HPSE2: variants seen among roughly 807,000 people sequenced by gnomAD.
HPSE2 encodes the protein heparanase 2 (inactive), also known as inactive heparanase-2.
Under a neutral mutation model 60.5 loss-of-function variants are expected in HPSE2, and 38 were observed. That is an observed-to-expected ratio of 0.63 (90% CI 0.48 to 0.82). The LOEUF is 0.82. HPSE2 is among the 40% of genes least tolerant of loss of function. The pLI, the probability that HPSE2 is intolerant of heterozygous loss-of-function variation, is 0.00. For synonymous variants in HPSE2, 295 were observed against 293.2 expected (o/e 1.01, Z -0.06); for missense variants, 713 against 740.4 (o/e 0.96, Z 0.43).
intron 2 of HPSE2, among the ~76,000 whole-genome samples, chr10:99,188,669 TG>T (rs1279124648): frequency 6.6e-6 from 1 of 152,232 alleles, no homozygotes; most frequent in Non-Finnish European, 1.5e-5. Flanking sequence ...TTAAAGCCAC[TG>T]TAATAAGAGA....
chr10:99,036,400 A>G (rs558345755), intron 3 of HPSE2, among the ~76,000 whole-genome samples: 15 of 152,164 alleles, frequency 9.9e-5, no homozygotes, highest in African/African-American at 9.7e-5. Flanking sequence ...AGACATATCT[A>G]AAAAACACAG....
intron 3 of HPSE2, among the ~76,000 whole-genome samples, chr10:98,850,104 G>A (rs528285598): frequency 6.6e-6 from 1 of 152,096 alleles, no homozygotes; most frequent in African/African-American, 2.4e-5. Flanking sequence ...TTCTTACTTG[G>A]CTTATGAAAA....
At chr10:98,895,966 A>G (rs1267840551) in intron 3 of HPSE2, among the ~76,000 whole-genome samples, 3 of 149,780 alleles carry the variant, frequency 2.0e-5, no homozygotes, top group African/African-American at 7.3e-5. Context: ...GGATAGCCTT[A>G]GGAGATATGC....
intron 3 of HPSE2, among the ~76,000 whole-genome samples, chr10:98,846,733 A>C (rs889452461): frequency 6.6e-6 from 1 of 152,180 alleles, no homozygotes; most frequent in African/African-American, 2.4e-5. Flanking sequence ...ATGCTATGAC[A>C]CATTGTTTTC....
chr10:99,096,686 A>G (rs1843728043), intron 3 of HPSE2, among the ~76,000 whole-genome samples: 1 of 133,264 alleles, frequency 7.5e-6, no homozygotes, highest in East Asian at 2.4e-4. Flanking sequence ...AAATTGAGCT[A>G]AATTGTTGTG....
intron 3 of HPSE2, among the ~76,000 whole-genome samples, chr10:98,981,883 G>T (rs1292488873): frequency 6.6e-6 from 1 of 151,722 alleles, no homozygotes. Context: ...CCTAATAACT[G>T]AGTTCCCTGT....
chr10:99,029,346 C>T (rs911792629), intron 3 of HPSE2, among the ~76,000 whole-genome samples: 4 of 152,140 alleles, frequency 2.6e-5, no homozygotes, highest in East Asian at 1.9e-4. Flanking sequence ...TCCCCATGTG[C>T]GGTGACGAGA....
chr10:98,652,676 G>A (rs1256856822), intron 6 of HPSE2, among the ~76,000 whole-genome samples: 2 of 152,118 alleles, frequency 1.3e-5, no homozygotes, highest in Non-Finnish European at 2.9e-5. Context: ...AAACTACAAG[G>A]TCTACATGAC....
intron 9 of HPSE2, among the ~76,000 whole-genome samples, chr10:98,577,547 A>C (rs1011016135): frequency 1.3e-5 from 2 of 152,242 alleles, no homozygotes; most frequent in African/African-American, 4.8e-5. Context: ...AAAAGTCCTC[A>C]TAAATATCCC....
chr10:98,750,682 T>A (rs1949738661), intron 3 of HPSE2, among the ~76,000 whole-genome samples: 1 of 152,100 alleles, frequency 6.6e-6, no homozygotes, highest in Non-Finnish European at 1.5e-5. Flanking sequence ...AACTCTGAAG[T>A]TTTTGGCTTA....
At chr10:98,498,130 A>G (rs1456884506) in intron 9 of HPSE2, among the ~76,000 whole-genome samples, 1 of 152,224 alleles carries the variant, frequency 6.6e-6, no homozygotes, top group Admixed American at 6.5e-5. Flanking sequence ...CAACTCGGAC[A>G]GACAAAGCAG....
At chr10:98,818,368 C>A (rs1440619057) in intron 3 of HPSE2, among the ~76,000 whole-genome samples, 1 of 152,166 alleles carries the variant, frequency 6.6e-6, no homozygotes, top group Non-Finnish European at 1.5e-5. Context: ...AAGGACCACA[C>A]AACCTATATC....
intron 6 of HPSE2, among the ~76,000 whole-genome samples, chr10:98,659,969 A>T (rs1947181169): frequency 6.6e-6 from 1 of 152,218 alleles, no homozygotes; most frequent in Non-Finnish European, 1.5e-5. Context: ...CTTGTGAGGC[A>T]TTAATAAGCT....
chr10:99,119,035 G>GAAAGA (rs1052292117), intron 3 of HPSE2, among the ~76,000 whole-genome samples: 1 of 125,618 alleles, frequency 8.0e-6, no homozygotes, highest in Non-Finnish European at 1.6e-5. Flanking sequence ...GGAAAAGAAA[G>GAAAGA]AAAGAAAAGA....
intron 3 of HPSE2, among the ~76,000 whole-genome samples, chr10:99,115,349 T>A (rs984360375): frequency 2.6e-5 from 4 of 152,008 alleles, no homozygotes. Flanking sequence ...AGAGACGGGG[T>A]TTCACCGTGT....
At chr10:98,711,377 C>T (rs986156585) in intron 5 of HPSE2, among the ~76,000 whole-genome samples, 2 of 152,102 alleles carry the variant, frequency 1.3e-5, no homozygotes, top group Non-Finnish European at 2.9e-5. Context: ...TAAGTGTGAA[C>T]ATTGAGGAAC....
At chr10:99,304,421 G>C in the HPSE2 span, among the ~76,000 whole-genome samples, 1 of 152,244 alleles carries the variant, frequency 6.6e-6, no homozygotes. Flanking sequence ...CTGCTCTGCA[G>C]GAGCTTCACA....
At chr10:98,601,425 A>G (rs1238889316) in intron 9 of HPSE2, among the ~76,000 whole-genome samples, 2 of 152,200 alleles carry the variant, frequency 1.3e-5, no homozygotes, top group Non-Finnish European at 2.9e-5. Context: ...TAGCTGATGG[A>G]GTGGCATACT....
intron 3 of HPSE2, among the ~76,000 whole-genome samples, chr10:99,088,724 G>GT (rs1247699699): frequency 6.6e-6 from 1 of 152,192 alleles, no homozygotes; most frequent in Non-Finnish European, 1.5e-5. Flanking sequence ...ATACCCAGGA[G>GT]TGGGATTGCT....
Sources: gnomAD v4.1 joint callset for allele counts (sites outside exome capture counted in the v4.1 genomes callset) on GRCh38, gnomAD v4.1.1 for gene constraint, MANE v1.5 for transcripts, NCBI Gene and HGNC (gene_info 2026-07-23, HGNC 2026-07-21) for gene names.